Variants in NIPBL observed in about 807,000 individuals in gnomAD.
The protein encoded by NIPBL is nipped-B-like protein.
A neutral mutation model predicts 321.8 loss-of-function variants in NIPBL; 19 were observed. That is an observed-to-expected ratio of 0.06 (90% CI 0.04 to 0.09). The LOEUF is 0.09. Among genes scored for constraint, NIPBL ranks in the 10% least tolerant of loss-of-function variants. The pLI, the probability that NIPBL is intolerant of heterozygous loss-of-function variation, is 1.00. For missense variants in NIPBL, 2,210 were observed against 3,327.0 expected, an observed-to-expected ratio of 0.66 and a Z score of 8.26; for synonymous variants, 1,106 against 1,114.1, an observed-to-expected ratio of 0.99 and a Z score of 0.14.
intron 21 of NIPBL, among the ~76,000 whole-genome samples, chr5:37,012,665 G>A (rs1306736311): frequency 6.6e-6 from 1 of 152,000 alleles, no homozygotes; most frequent in Non-Finnish European, 1.5e-5. Context: ...GAGTGGTGAT[G>A]ACTCTTAAGG....
intron 1 of NIPBL, among the ~76,000 whole-genome samples, chr5:36,922,502 A>T (rs903119833): frequency 1.3e-5 from 2 of 152,114 alleles, no homozygotes; most frequent in Non-Finnish European, 2.9e-5. Flanking sequence ...GCCATTGTCG[A>T]GTATTATACT....
intron 1 of NIPBL, among the ~76,000 whole-genome samples, chr5:36,904,222 G>C (rs1000383013): frequency 2.6e-5 from 4 of 152,222 alleles, no homozygotes; most frequent in Non-Finnish European, 5.9e-5. Flanking sequence ...TCTAATCCCA[G>C]CACTTTGGGA....
intron 10 of NIPBL, among the ~76,000 whole-genome samples, chr5:36,991,132 G>A (rs540817286): frequency 6.6e-6 from 1 of 152,010 alleles, no homozygotes; most frequent in Admixed American, 6.5e-5. Context: ...AAAAATATTA[G>A]CGTTTTCTGG....
At chr5:37,019,732 C>CAATAG in intron 25 of NIPBL, among the ~76,000 whole-genome samples, 1 of 152,064 alleles carries the variant, frequency 6.6e-6, no homozygotes, top group Non-Finnish European at 1.5e-5. Flanking sequence ...ATCTATAAGC[C>CAATAG]TGTAAAAATA....
At chr5:36,911,063 G>A (rs1274982973) in intron 1 of NIPBL, among the ~76,000 whole-genome samples, 2 of 152,170 alleles carry the variant, frequency 1.3e-5, no homozygotes, top group Non-Finnish European at 2.9e-5. Flanking sequence ...ATCTAGACTA[G>A]CATTGTATGA....
chr5:37,057,933 T>C (rs1323894142), intron 43 of NIPBL, among the ~76,000 whole-genome samples: 1 of 152,224 alleles, frequency 6.6e-6, no homozygotes, highest in Non-Finnish European at 1.5e-5. Flanking sequence ...CTTTACAAAT[T>C]GAATATTCTC....
chr5:37,028,011 G>A (rs997688969), intron 32 of NIPBL, among the ~76,000 whole-genome samples: 2 of 151,820 alleles, frequency 1.3e-5, no homozygotes, highest in African/African-American at 4.8e-5. Context: ...TTTAATCTCT[G>A]TGATTAATAG....
intron 10 of NIPBL, among the ~76,000 whole-genome samples, chr5:36,992,541 G>T (rs1418815730): frequency 2.0e-5 from 3 of 151,648 alleles, no homozygotes; most frequent in Admixed American, 6.6e-5. Context: ...TAAAGACAGG[G>T]TCTCATTCTC....
intron 6 of NIPBL, among the ~76,000 whole-genome samples, chr5:36,965,916 G>A (rs1742151686): frequency 6.6e-6 from 1 of 152,048 alleles, no homozygotes. Flanking sequence ...ATTGAGAAAG[G>A]TTGCATTTTT....
chr5:36,906,316 A>G (rs1747633690), intron 1 of NIPBL, among the ~76,000 whole-genome samples: 1 of 152,182 alleles, frequency 6.6e-6, no homozygotes, highest in African/African-American at 2.4e-5. Flanking sequence ...ACAATTTTAA[A>G]TAGTGACAGT....
intron 1 of NIPBL, among the ~76,000 whole-genome samples, chr5:36,931,880 T>G (rs528785864): frequency 1.3e-5 from 2 of 152,098 alleles, no homozygotes; most frequent in African/African-American, 4.8e-5. Flanking sequence ...TCTTAAGGTA[T>G]GGAAGCATAA....
chr5:36,987,348 A>C (rs1357894449), intron 10 of NIPBL, among the ~76,000 whole-genome samples: 1 of 152,182 alleles, frequency 6.6e-6, no homozygotes, highest in African/African-American at 2.4e-5. Context: ...TTTTTTGGCT[A>C]TTTAAATTTA....
chr5:36,890,034 A>G (rs1308499700), intron 1 of NIPBL, among the ~76,000 whole-genome samples: 1 of 152,112 alleles, frequency 6.6e-6, no homozygotes, highest in Non-Finnish European at 1.5e-5. Context: ...AATTATGGTT[A>G]AATACATATA....
At chr5:37,009,348 A>G (rs1051490151) in intron 20 of NIPBL, among the ~76,000 whole-genome samples, 29 of 152,334 alleles carry the variant, frequency 1.9e-4, no homozygotes, top group African/African-American at 6.7e-4. Flanking sequence ...ACCCACTGCT[A>G]TGGTCAGCAT....
chr5:36,976,258 T>A lies in NIPBL; in HGVS notation c.1351T>A (p.Ser451Thr). Reference sequence around the variant, plus strand: ...AGTTGCTGCAAAACAACCCCAGACTTCTGTGGTACAGAATCAACAACAGAT... The same window carrying A: ...AGTTGCTGCAAAACAACCCCAGACTACTGTGGTACAGAATCAACAACAGAT... ...TSVAAKQPQT[S>T]VVQNQQQISQ... The change falls in exon 9 of 47, where the codon TCT becomes ACT. Residue 451 changes from serine (S) to threonine (T), a missense_variant. By Grantham distance (58) the Ser-to-Thr change is moderately conservative. This residue lies in a region of NIPBL where 464 missense variants were observed against 529.5 expected (regional missense o/e 0.88). Coordinates refer to ENST00000282516, the MANE Select transcript of NIPBL (RefSeq NM_133433.4). 1 of 1,613,806 alleles carries A rather than the reference T, an allele frequency of 6.2e-7. No homozygotes were observed. The highest frequency in any genetic ancestry group is 1.1e-5 in the South Asian group (1 of 91,060).
intron 1 of NIPBL, among the ~76,000 whole-genome samples, chr5:36,908,593 A>G (rs1425786275): frequency 2.0e-5 from 3 of 152,214 alleles, no homozygotes; most frequent in East Asian, 3.8e-4. Context: ...TAAGAAATAG[A>G]AAGATTTAAA....
Position 37,063,796 on chromosome 5 carries a change from C to T in NIPBL, c.7867C>T (p.Leu2623Phe). 1 of 1,613,282 alleles carries T rather than the reference C, an allele frequency of 6.2e-7. No homozygotes were observed. The highest frequency in any genetic ancestry group is 1.7e-5 in the Admixed American group (1 of 59,932). Residue 2623 changes from leucine to phenylalanine, a missense_variant, in exon 46 of 47, where the codon CTT (leucine) becomes TTT (phenylalanine). Physicochemically the swap from Leu to Phe is conservative, Grantham distance 22. This residue lies in a region of NIPBL where 159 missense variants were observed against 319.2 expected (regional missense o/e 0.50). Transcript: ENST00000282516. ...TAATATCTGTTTTTTGTAGTTCAAA[C>T]TTCTCATGGAACATCTGGACCCTGA... The part of the protein sequence containing the change: ...SIVKQYLDFK[L>F]LMEHLDPDEE...
intron 16 of NIPBL, among the ~76,000 whole-genome samples, chr5:37,004,756 G>A (rs564114848): frequency 2.6e-5 from 4 of 152,062 alleles, no homozygotes; most frequent in Non-Finnish European, 5.9e-5. Flanking sequence ...CATATTTATT[G>A]TAGAAAATTT....
intron 9 of NIPBL, among the ~76,000 whole-genome samples, chr5:36,982,501 A>G (rs1744259246): frequency 6.6e-6 from 1 of 151,880 alleles, no homozygotes; most frequent in African/African-American, 2.4e-5. Flanking sequence ...TAGTTGAACG[A>G]TTAAAATTTT....
Sources: allele counts gnomAD v4.1 joint callset (sites outside exome capture counted in the v4.1 genomes callset), GRCh38; gene constraint gnomAD v4.1.1; regional missense constraint gnomAD v4.1.1; transcripts MANE v1.5; gene names NCBI Gene and HGNC (gene_info 2026-07-23, HGNC 2026-07-21).